Variants in ST18 observed in about 807,000 individuals in gnomAD.
ST18 encodes the protein suppression of tumorigenicity 18 protein.
ST18 carries 50 observed loss-of-function variants against 110.0 expected under a neutral mutation model. That is an observed-to-expected ratio of 0.45 (90% confidence interval 0.36 to 0.58). The LOEUF (loss-of-function observed/expected upper bound fraction) is 0.58. Among genes scored for constraint, ST18 ranks in the 20% least tolerant of loss-of-function variants. ST18 has a pLI of 0.00. For synonymous variants in ST18, 461 were observed against 452.4 expected, an observed-to-expected ratio of 1.02 and a Z score of -0.24; for missense variants, 1,306 against 1,280.1, an observed-to-expected ratio of 1.02 and a Z score of -0.31.
intron 8 of ST18, among the ~76,000 whole-genome samples, chr8:52,194,035 G>C (rs964958646): frequency 6.6e-6 from 1 of 151,086 alleles, no homozygotes; most frequent in African/African-American, 2.5e-5. Context: ...TTTATAAAAG[G>C]GGAGAATTTT....
chr8:52,278,768 C>A (rs1044835192), intron 2 of ST18, among the ~76,000 whole-genome samples: 1 of 152,154 alleles, frequency 6.6e-6, no homozygotes, highest in South Asian at 2.1e-4. Context: ...AAAAATCCCA[C>A]CTTCAAACAA....
At chr8:52,361,408 A>T (rs1344833974) in intron 2 of ST18, among the ~76,000 whole-genome samples, 5 of 152,218 alleles carry the variant, frequency 3.3e-5, no homozygotes, top group Non-Finnish European at 7.3e-5. Flanking sequence ...ATCAAGACAT[A>T]TGGAAGGCAT....
At chr8:52,118,759 A>G (rs1445623409) in intron 23 of ST18, among the ~76,000 whole-genome samples, 1 of 152,004 alleles carries the variant, frequency 6.6e-6, no homozygotes, top group Non-Finnish European at 1.5e-5. Flanking sequence ...GCTCCATTAT[A>G]CCCTCCTCAC....
chr8:52,279,169 T>A (rs904925201), intron 2 of ST18, among the ~76,000 whole-genome samples: 2 of 152,094 alleles, frequency 1.3e-5, no homozygotes, highest in African/African-American at 2.4e-5. Flanking sequence ...GTTAAAGCAA[T>A]CAATGAACAT....
intron 12 of ST18, 29 bp downstream of exon 12, chr8:52,165,106 C>G (rs1448274315): frequency 5.6e-6 from 9 of 1,608,254 alleles, no homozygotes; most frequent in Non-Finnish European, 7.7e-6. Flanking sequence ...TTTTTAAATG[C>G]AAAATGATTA....
chr8:52,168,391 G>T lies in ST18; in HGVS notation c.1070-1405C>A, dbSNP rs185516334. On this transcript the variant is annotated intron_variant, in intron 10 of 25. Transcript: ENST00000689386. ...GCACGAAGTCTGGCCACTGTCACGGGATGCGACAGACATTTCCGGGGTGCT... is the reference window on the plus strand; with the variant it reads ...GCACGAAGTCTGGCCACTGTCACGGTATGCGACAGACATTTCCGGGGTGCT... 2.4e-3 allele frequency among the ~76,000 whole-genome samples: 370 copies of T among 152,056 alleles called. 1 individual carries two copies. The highest frequency in any genetic ancestry group is 8.3e-3 in the African/African-American group (342 of 41,426).
intron 10 of ST18, among the ~76,000 whole-genome samples, chr8:52,168,510 T>C (rs1179548914): frequency 6.6e-6 from 1 of 151,964 alleles, no homozygotes; most frequent in African/African-American, 2.4e-5. Flanking sequence ...GCAGGTTGTA[T>C]GTAATGCAAT....
At chr8:52,381,731 G>A (rs1414322595) in intron 2 of ST18, among the ~76,000 whole-genome samples, 1 of 152,124 alleles carries the variant, frequency 6.6e-6, no homozygotes, top group Non-Finnish European at 1.5e-5. Context: ...AGCACTGAGT[G>A]TTATTAGTAT....
intron 2 of ST18, among the ~76,000 whole-genome samples, chr8:52,355,111 T>C (rs923285665): frequency 1.3e-5 from 2 of 152,146 alleles, no homozygotes; most frequent in African/African-American, 4.8e-5. Flanking sequence ...CTGTGAGGGT[T>C]CCTGCAGACA....
At chr8:52,193,384 A>G (rs2075198628) in intron 8 of ST18, among the ~76,000 whole-genome samples, 1 of 152,186 alleles carries the variant, frequency 6.6e-6, no homozygotes, top group Non-Finnish European at 1.5e-5. Context: ...CCTCAACCTG[A>G]GAGCCATTTA....
chr8:52,116,169 G>T, intron 25 of ST18, 106 bp downstream of exon 25: 1 of 1,315,832 alleles, frequency 7.6e-7, no homozygotes, highest in Non-Finnish European at 1.0e-6. Context: ...CTCTGTGACT[G>T]CTCACAGGTC....
chr8:52,368,879 AG>A (rs1313810303), intron 2 of ST18, among the ~76,000 whole-genome samples: 1 of 152,162 alleles, frequency 6.6e-6, no homozygotes, highest in African/African-American at 2.4e-5. Flanking sequence ...AAACATAGAA[AG>A]GTCCTTGGTA....
chr8:52,349,313 C>A (rs1026481743), intron 2 of ST18, among the ~76,000 whole-genome samples: 10 of 152,126 alleles, frequency 6.6e-5, no homozygotes, highest in African/African-American at 2.4e-4. Flanking sequence ...ACCTTCTAAC[C>A]TTCGTGTGAT....
At chr8:52,266,890 G>A (rs1266802141) in intron 2 of ST18, among the ~76,000 whole-genome samples, 1 of 152,124 alleles carries the variant, frequency 6.6e-6, no homozygotes, top group East Asian at 1.9e-4. Flanking sequence ...GGGCTATAAA[G>A]CAGTCCCCTT....
intron 15 of ST18, among the ~76,000 whole-genome samples, chr8:52,155,399 A>G (rs2132800348): frequency 6.6e-6 from 1 of 152,298 alleles, no homozygotes; most frequent in Non-Finnish European, 1.5e-5. Context: ...GTATTTTAAC[A>G]AATAAATAAT....
chr8:52,116,454 A>C (rs1586108563), intron 24 of ST18, 36 bp from the exon 25 acceptor site: 1 of 1,595,196 alleles, frequency 6.3e-7, no homozygotes, highest in Middle Eastern at 1.7e-4. Context: ...TGAGTAGTGG[A>C]GTTTGGAAGG....
At chr8:52,295,711 T>TA (rs1346202938) in intron 2 of ST18, among the ~76,000 whole-genome samples, 1 of 604 alleles carries the variant, frequency 1.7e-3, no homozygotes, top group Non-Finnish European at 0.017. Context: ...CTTTTTTTCC[T>TA]TTTTTTTTTT....
intron 3 of ST18, among the ~76,000 whole-genome samples, chr8:52,224,474 C>T (rs1379557981): frequency 1.3e-5 from 2 of 152,156 alleles, no homozygotes; most frequent in Non-Finnish European, 2.9e-5. Flanking sequence ...AAGATAAGCA[C>T]TGAATTTCAT....
chr8:52,214,718 T>A (rs1013810239), intron 6 of ST18, among the ~76,000 whole-genome samples: 1 of 152,168 alleles, frequency 6.6e-6, no homozygotes, highest in African/African-American at 2.4e-5. Context: ...AAAAGCACCA[T>A]GAAGACAAAC....
Sources: allele counts gnomAD v4.1 joint callset (sites outside exome capture counted in the v4.1 genomes callset), GRCh38; gene constraint gnomAD v4.1.1; transcripts MANE v1.5; gene names NCBI Gene and HGNC (gene_info 2026-07-23, HGNC 2026-07-21).